ZNF407: variants seen among roughly 807,000 people sequenced by gnomAD.
The protein encoded by ZNF407 is zinc finger protein 407.
Under a neutral mutation model 131.2 loss-of-function variants are expected in ZNF407, and 17 were observed. The observed-to-expected ratio is 0.13, with a 90% confidence interval of 0.09 to 0.19. The LOEUF is 0.19. Ranked by LOEUF, ZNF407 falls within the 10% of genes least tolerant of loss-of-function variation. The pLI, the probability that ZNF407 is intolerant of heterozygous loss-of-function variation, is 1.00. For missense variants in ZNF407, 2,681 were observed against 2,830.6 expected (o/e 0.95, Z 1.20); for synonymous variants, 1,156 against 1,062.0 (o/e 1.09, Z -1.72).
rs74425237 is a variant in ZNF407, at chr18:74,993,487, A to G, written c.5429-69663A>G. On this transcript the variant is annotated intron_variant, in intron 8 of 8. Coordinates refer to ENST00000299687, the MANE Select transcript of ZNF407 (RefSeq NM_017757.3). ...AGAGCTGTGTTTTCCTGGGGCTGGG[A>G]CAGGGGACCTCAGGAAAATTCTGAG... 5.8e-4 allele frequency among the ~76,000 whole-genome samples: 88 copies of G among 152,306 alleles called. 1 individual carries two copies. In the East Asian group the frequency reaches 0.016, roughly 27 times the overall value.
At chr18:74,622,831 TGTGA>T (rs10662599) in intron 1 of ZNF407, among the ~76,000 whole-genome samples, 129,044 of 151,268 alleles carry the variant, frequency 0.85, 55,256 homozygotes, top group Middle Eastern at 0.9. Context: ...TGTGAGTACG[TGTGA>T]GTGTGTATCT....
intron 3 of ZNF407, among the ~76,000 whole-genome samples, chr18:74,764,997 C>G (rs1457538353): frequency 1.3e-5 from 2 of 152,024 alleles, no homozygotes; most frequent in East Asian, 3.9e-4. Flanking sequence ...GTCTTCCTGT[C>G]TCAGGGGTGG....
At chr18:74,616,227 G>A (rs1357973848) in intron 1 of ZNF407, among the ~76,000 whole-genome samples, 2 of 152,176 alleles carry the variant, frequency 1.3e-5, no homozygotes, top group Non-Finnish European at 2.9e-5. Context: ...ACTGGTATGG[G>A]CACCACAGTG....
intron 8 of ZNF407, among the ~76,000 whole-genome samples, chr18:75,041,265 A>G (rs972536759): frequency 4.6e-5 from 7 of 152,188 alleles, no homozygotes; most frequent in Admixed American, 3.9e-4. Flanking sequence ...AAAGGGTAGC[A>G]TTATTGATAG....
chr18:74,750,054 G>A (rs962136052), intron 3 of ZNF407, among the ~76,000 whole-genome samples: 1 of 152,090 alleles, frequency 6.6e-6, no homozygotes, highest in Admixed American at 6.6e-5. Context: ...ACCCAAATCC[G>A]TGCTATAGCC....
Position 74,860,307 on chromosome 18 carries a change from C to CGAAGAA in ZNF407, c.4878-16871_4878-16866dup, listed in dbSNP as rs142538676. Among the ~76,000 whole-genome samples the CGAAGAA allele has an allele frequency of 1.3e-4, 19 of 150,622 alleles. No homozygotes were observed. In the South Asian group the frequency reaches 1.3e-3, roughly 10 times the overall value. On this transcript the variant is annotated intron_variant, in intron 4 of 8. Coordinates refer to ENST00000299687, the MANE Select transcript of ZNF407 (RefSeq NM_017757.3). ...GCAAGACCCCATCTCTTAAAAAAAA[C>CGAAGAA]GAAGAAGAAGAAGAAGAAGAAGAAA... is the stretch of plus-strand genomic sequence containing the variant.
At position 74,893,656 on chromosome 18, in the gene ZNF407, C is replaced by T. The variant is rs117864607; in HGVS notation, c.5249+3618C>T. 2.8e-3 allele frequency among the ~76,000 whole-genome samples: 427 copies of T among 152,160 alleles called. 1 individual carries two copies. The highest frequency in any genetic ancestry group is 6.8e-3 in the Middle Eastern group (2 of 294). On this transcript the variant is annotated intron_variant, in intron 7 of 8. Coordinates refer to ENST00000299687, the MANE Select transcript of ZNF407 (RefSeq NM_017757.3). ...AGTAGGAACAGGATCCCATATCTGC[C>T]TCACATAAATGTATTTGTTCACAGC... is the stretch of plus-strand genomic sequence containing the variant.
intron 1 of ZNF407, among the ~76,000 whole-genome samples, chr18:74,606,069 G>C (rs8090386): frequency 0.12 from 18,193 of 152,290 alleles, 1,212 homozygotes; most frequent in Non-Finnish European, 0.14. Flanking sequence ...GATTGTCAGG[G>C]ATCACTAGCG....
intron 4 of ZNF407, chr18:74,804,029 G>A: frequency 6.4e-7 from 1 of 1,551,700 alleles, no homozygotes; most frequent in Non-Finnish European, 8.7e-7. Context: ...AACGCGTCGA[G>A]TGCCTCTGAA....
intron 8 of ZNF407, among the ~76,000 whole-genome samples, chr18:75,018,913 CTCTT>C (rs982209094): frequency 6.6e-6 from 1 of 152,068 alleles, no homozygotes; most frequent in Non-Finnish European, 1.5e-5. Flanking sequence ...TGTATATTAA[CTCTT>C]TAACTGCTCT....
At position 74,751,363 on chromosome 18, in the gene ZNF407, T is replaced by C. The variant is rs531654096; in HGVS notation, c.4803-30065T>C. On this transcript the variant is annotated intron_variant, in intron 3 of 8. Coordinates refer to ENST00000299687, the MANE Select transcript of ZNF407 (RefSeq NM_017757.3). ...TACCATTTGTTGAAAAGTCTATTCT[T>C]TTTTTTAAAATTTATTTATTTTATT... 4.6e-5 allele frequency among the ~76,000 whole-genome samples: 7 copies of C among 152,254 alleles called. No individual in the cohort carries two copies. In the East Asian group the frequency reaches 5.8e-4, roughly 13 times the overall value.
chr18:74,828,235 G>C (rs1346380033), intron 4 of ZNF407, among the ~76,000 whole-genome samples: 2 of 152,152 alleles, frequency 1.3e-5, no homozygotes, highest in Admixed American at 1.3e-4. Flanking sequence ...ACAGAAAGTT[G>C]TAGGCATTCC....
intron 1 of ZNF407, among the ~76,000 whole-genome samples, chr18:74,615,870 T>G (rs1023146482): frequency 6.8e-5 from 10 of 146,410 alleles, no homozygotes; most frequent in African/African-American, 1.0e-4. Flanking sequence ...GTTGTTGTTG[T>G]TTTTTTTTTT....
intron 3 of ZNF407, among the ~76,000 whole-genome samples, chr18:74,679,663 T>C (rs1966934652): frequency 6.6e-6 from 1 of 152,244 alleles, no homozygotes; most frequent in South Asian, 2.1e-4. Flanking sequence ...TTTCAATTAT[T>C]TCTGATAGTT....
intron 4 of ZNF407, among the ~76,000 whole-genome samples, chr18:74,827,794 A>G (rs1294767606): frequency 6.6e-6 from 1 of 152,154 alleles, no homozygotes; most frequent in African/African-American, 2.4e-5. Context: ...ATCTGTGTGT[A>G]TTTCTAAGTC....
chr18:74,909,882 G>C (rs1250907036), intron 7 of ZNF407, among the ~76,000 whole-genome samples: 1 of 152,140 alleles, frequency 6.6e-6, no homozygotes, highest in African/African-American at 2.4e-5. Context: ...GTGTATGTTT[G>C]AATAAATGGC....
chr18:74,852,184 C>A (rs1447263858), intron 4 of ZNF407, among the ~76,000 whole-genome samples: 1 of 117,608 alleles, frequency 8.5e-6, no homozygotes, highest in Non-Finnish European at 1.9e-5. Context: ...CACACACACA[C>A]ACACACACAC....
chr18:75,043,870 A>G (rs1344159040), intron 8 of ZNF407, among the ~76,000 whole-genome samples: 1 of 152,210 alleles, frequency 6.6e-6, no homozygotes, highest in Non-Finnish European at 1.5e-5. Context: ...TCCGGATATA[A>G]AAATATTTAC....
At chr18:75,014,245 A>G (rs1293696975) in intron 8 of ZNF407, among the ~76,000 whole-genome samples, 1 of 152,096 alleles carries the variant, frequency 6.6e-6, no homozygotes, top group Non-Finnish European at 1.5e-5. Context: ...TAAAACTTTC[A>G]TGTATCAATT....
Sources: gnomAD v4.1 joint callset for allele counts (sites outside exome capture counted in the v4.1 genomes callset) on GRCh38, gnomAD v4.1.1 for gene constraint, MANE v1.5 for transcripts, NCBI Gene and HGNC (gene_info 2026-07-23, HGNC 2026-07-21) for gene names.